The following ITPR2 variants were observed in gnomAD, a reference collection of about 807,000 sequenced individuals.
The protein encoded by ITPR2 is inositol 1,4,5-trisphosphate-gated calcium channel ITPR2.
In ITPR2, 207 loss-of-function variants were observed where a neutral mutation model predicts 317.1. The observed-to-expected ratio is 0.65, with a 90% confidence interval of 0.58 to 0.73. The LOEUF is 0.73. Ranked by LOEUF, ITPR2 falls within the 30% of genes least tolerant of loss-of-function variation. The pLI, the probability that ITPR2 is intolerant of heterozygous loss-of-function variation, is 0.00. For synonymous variants in ITPR2, 1,156 were observed against 1,149.1 expected (o/e 1.01, Z -0.12); for missense variants, 2,613 against 3,284.0 (o/e 0.80, Z 4.99).
Position 26,628,086 on chromosome 12 carries a change from T to C in ITPR2, c.3011A>G (p.Asn1004Ser), listed in dbSNP as rs1402975066. ...ACTGGCAGATGTCTCCGCATTGTCA[T>C]TGTCCTCTCCAAACTCCTTCTTATA... ...SIYKKEFGED[N>S]DNAETSASGS... is the part of the protein sequence containing the mutation. The change falls in exon 23 of 57, where the codon AAT becomes AGT. Residue 1004 changes from asparagine to serine, a missense_variant. Transcript: ENST00000381340. 4 of 1,613,286 alleles carry C rather than the reference T, an allele frequency of 2.5e-6. No homozygotes were observed. The highest frequency in any genetic ancestry group is 1.6e-4 in the Middle Eastern group (1 of 6,062).
intron 11 of ITPR2, among the ~76,000 whole-genome samples, chr12:26,684,529 C>T (rs1948091833): frequency 6.6e-6 from 1 of 152,256 alleles, no homozygotes; most frequent in South Asian, 2.1e-4. Context: ...GGACTTAATA[C>T]ATAAAAAGTG....
intron 55 of ITPR2, among the ~76,000 whole-genome samples, chr12:26,346,974 C>A (rs1938332178): frequency 6.6e-6 from 1 of 152,236 alleles, no homozygotes; most frequent in East Asian, 1.9e-4. Context: ...AGAAACACGG[C>A]ATTTTGGCTA....
At chr12:26,719,393 T>C (rs1337374631) in intron 5 of ITPR2, among the ~76,000 whole-genome samples, 1 of 152,186 alleles carries the variant, frequency 6.6e-6, no homozygotes, top group Non-Finnish European at 1.5e-5. Context: ...TACACAAACA[T>C]GTTTTTTATA....
chr12:26,788,389 A>C (rs1950293395), intron 2 of ITPR2, among the ~76,000 whole-genome samples: 1 of 152,192 alleles, frequency 6.6e-6, no homozygotes, highest in South Asian at 2.1e-4. Context: ...CCTACTTAAG[A>C]TGACACAGGC....
At chr12:26,455,987 GA>G (rs1341479083) in intron 45 of ITPR2, among the ~76,000 whole-genome samples, 1 of 152,142 alleles carries the variant, frequency 6.6e-6, no homozygotes, top group Non-Finnish European at 1.5e-5. Context: ...ATTCTCCTAT[GA>G]CCTAAGCCAT....
intron 38 of ITPR2, 122 bp from the exon 39 acceptor site, chr12:26,494,462 C>T: frequency 1.5e-6 from 1 of 668,432 alleles, no homozygotes; most frequent in Non-Finnish European, 2.2e-6. Flanking sequence ...TTTTTCCCTA[C>T]AAAGTTAAAT....
chr12:26,571,829 TAGAG>T (rs1373126187), intron 34 of ITPR2, among the ~76,000 whole-genome samples: 1 of 152,258 alleles, frequency 6.6e-6, no homozygotes, highest in African/African-American at 2.4e-5. Context: ...AACACTGACT[TAGAG>T]AGTGCTTCTG....
intron 21 of ITPR2, among the ~76,000 whole-genome samples, chr12:26,639,473 T>G (rs910809852): frequency 2.0e-5 from 3 of 152,112 alleles, no homozygotes; most frequent in African/African-American, 7.2e-5. Flanking sequence ...CAGCATTCTT[T>G]TTTTTTTAAA....
At chr12:26,448,412 A>G (rs141314186) in intron 45 of ITPR2, among the ~76,000 whole-genome samples, 1 of 152,230 alleles carries the variant, frequency 6.6e-6, no homozygotes, top group Admixed American at 6.5e-5. Context: ...GTATTCCACA[A>G]CAATATGAGC....
intron 8 of ITPR2, among the ~76,000 whole-genome samples, chr12:26,714,655 C>T (rs1010375306): frequency 3.3e-5 from 5 of 151,964 alleles, no homozygotes; most frequent in Admixed American, 6.6e-5. Context: ...TGAGAATCAC[C>T]GCTAGTGGTT....
At chr12:26,729,438 C>T (rs1454921127) in intron 2 of ITPR2, among the ~76,000 whole-genome samples, 5 of 152,114 alleles carry the variant, frequency 3.3e-5, no homozygotes. Context: ...TCAGACCCAG[C>T]AATTTCATTA....
chr12:26,721,069 G>A (rs529921477), intron 5 of ITPR2, among the ~76,000 whole-genome samples: 1 of 152,206 alleles, frequency 6.6e-6, no homozygotes, highest in East Asian at 1.9e-4. Flanking sequence ...GAGCCTCAAA[G>A]GCACAGGTTG....
intron 49 of ITPR2, among the ~76,000 whole-genome samples, chr12:26,423,883 C>G (rs886604292): frequency 4.6e-5 from 7 of 152,092 alleles, no homozygotes; most frequent in African/African-American, 1.7e-4. Context: ...TAGTTGAAAT[C>G]TAGACCAACT....
At chr12:26,487,635 C>A (rs568459725) in intron 39 of ITPR2, among the ~76,000 whole-genome samples, 1 of 152,140 alleles carries the variant, frequency 6.6e-6, no homozygotes, top group Non-Finnish European at 1.5e-5. Context: ...GTCAAGCCCT[C>A]TGTTAATAGG....
chr12:26,506,314 G>A lies in ITPR2; in HGVS notation c.5074-11054C>T, dbSNP rs1048556995. Among the ~76,000 whole-genome samples the A allele has an allele frequency of 2.6e-5, 4 of 151,830 alleles. No individual in the cohort carries two copies. In the East Asian group the frequency reaches 7.8e-4, roughly 30 times the overall value. On this transcript the variant is annotated intron_variant, in intron 37 of 56. Coordinates refer to ENST00000381340, the MANE Select transcript of ITPR2 (RefSeq NM_002223.4). ...ACTTGAGCTCAGGAGTTTACGACTG[G>A]CCTGGGAAACTTAGCAAGACTTCAT... is the stretch of plus-strand genomic sequence containing the variant.
At chr12:26,728,121 A>C (rs1329883658) in intron 2 of ITPR2, among the ~76,000 whole-genome samples, 1 of 152,158 alleles carries the variant, frequency 6.6e-6, no homozygotes, top group African/African-American at 2.4e-5. Context: ...ACTCTTACAG[A>C]CTTTTAAGCT....
intron 42 of ITPR2, among the ~76,000 whole-genome samples, chr12:26,482,579 CTTGTATCATT>C (rs1466343320): frequency 3.9e-5 from 6 of 152,160 alleles, no homozygotes; most frequent in Admixed American, 3.9e-4. Context: ...TTTAGGTTTT[CTTGTATCATT>C]GCTCTGGGAG....
chr12:26,605,485 T>C (rs1391269622), intron 26 of ITPR2, among the ~76,000 whole-genome samples: 3 of 152,174 alleles, frequency 2.0e-5, no homozygotes, highest in Non-Finnish European at 2.9e-5. Context: ...GCTCTAAAGA[T>C]TGACAAAGCT....
chr12:26,432,769 A>G (rs1469392441), intron 48 of ITPR2, among the ~76,000 whole-genome samples: 1 of 152,090 alleles, frequency 6.6e-6, no homozygotes, highest in Non-Finnish European at 1.5e-5. Flanking sequence ...CACTGTCAAT[A>G]ATCTTTTTCT....
Sources: allele counts gnomAD v4.1 joint callset (sites outside exome capture counted in the v4.1 genomes callset), GRCh38; gene constraint gnomAD v4.1.1; transcripts MANE v1.5; gene names NCBI Gene and HGNC (gene_info 2026-07-23, HGNC 2026-07-21).